Variants in EPC2 observed in about 807,000 individuals in gnomAD.
The protein encoded by EPC2 is enhancer of polycomb 2, also known as enhancer of polycomb homolog 2.
In EPC2, 14 loss-of-function variants were observed where a neutral mutation model predicts 92.1. That is an observed-to-expected ratio of 0.15 (90% CI 0.10 to 0.24). The LOEUF (loss-of-function observed/expected upper bound fraction) is 0.24, where lower values mean the gene tolerates loss of function less well. Among genes scored for constraint, EPC2 ranks in the 10% least tolerant of loss-of-function variants. EPC2 has a pLI of 1.00. For synonymous variants in EPC2, 340 were observed against 334.7 expected (o/e 1.02, Z -0.17); for missense variants, 755 against 971.5 (o/e 0.78, Z 2.96).
At chr2:148,674,929 C>A (rs74811434) in intron 1 of EPC2, among the ~76,000 whole-genome samples, 4 of 152,084 alleles carry the variant, frequency 2.6e-5, no homozygotes, top group African/African-American at 9.7e-5. Flanking sequence ...TTTGTAACTT[C>A]GTAGTCTTTT....
chr2:148,768,512 G>T (rs1683457484), intron 7 of EPC2, among the ~76,000 whole-genome samples: 1 of 152,156 alleles, frequency 6.6e-6, no homozygotes, highest in African/African-American at 2.4e-5. Flanking sequence ...TTTTGCTCTA[G>T]CGTTGCGGGC....
intron 2 of EPC2, among the ~76,000 whole-genome samples, chr2:148,719,222 T>C (rs1005039367): frequency 1.3e-5 from 2 of 152,212 alleles, no homozygotes; most frequent in African/African-American, 2.4e-5. Context: ...TGTTACCACC[T>C]TCTGAAGTCT....
intron 1 of EPC2, among the ~76,000 whole-genome samples, chr2:148,646,778 T>G (rs1318007051): frequency 6.6e-6 from 1 of 152,142 alleles, no homozygotes; most frequent in Non-Finnish European, 1.5e-5. Context: ...ACCAGTATTG[T>G]GTGTAATTAC....
At chr2:148,751,166 A>G (rs962626623) in intron 3 of EPC2, among the ~76,000 whole-genome samples, 1 of 152,208 alleles carries the variant, frequency 6.6e-6, no homozygotes. Flanking sequence ...TACCTAGTTG[A>G]CTGTTTTGTA....
At chr2:148,654,076 T>C (rs1680740494) in intron 1 of EPC2, among the ~76,000 whole-genome samples, 1 of 151,808 alleles carries the variant, frequency 6.6e-6, no homozygotes, top group South Asian at 2.1e-4. Context: ...GCTTCCCAAG[T>C]AGCTTGGGAC....
intron 3 of EPC2, among the ~76,000 whole-genome samples, chr2:148,746,156 ATT>A (rs1258254346): frequency 6.6e-6 from 1 of 151,872 alleles, no homozygotes; most frequent in South Asian, 2.1e-4. Context: ...TATCCTACAT[ATT>A]TTTGTGTAAT....
chr2:148,770,796 G>C lies in EPC2; in HGVS notation c.1235G>C (p.Arg412Pro). The change falls in exon 9 of 14, where the codon CGT (arginine) becomes CCT (proline). Residue 412 changes from arginine to proline, a missense_variant. Physicochemically the swap from Arg to Pro is moderately radical, Grantham distance 103. This residue lies in a region of EPC2 where 509 missense variants were observed against 607.7 expected (regional missense o/e 0.84). Coordinates refer to ENST00000258484, the MANE Select transcript of EPC2 (RefSeq NM_015630.4). Reference protein sequence around the residue: ...RRAGCQYYAPRLDQANHSCEN... With the variant: ...RRAGCQYYAPPLDQANHSCEN... ...TTGTTTTTTCTTTCTTTGCAGCCTC[G>C]TTTGGACCAAGCTAACCATTCATGT... 6.2e-7 allele frequency: 1 copy of C among 1,604,550 alleles called. No homozygotes were observed. Among genetic ancestry groups the C allele is most frequent in the Non-Finnish European group, 8.5e-7 (1 of 1,177,484 alleles).
intron 10 of EPC2, among the ~76,000 whole-genome samples, chr2:148,775,775 CT>C (rs70995334): frequency 0.034 from 3,159 of 92,158 alleles, 60 homozygotes; most frequent in African/African-American, 0.13. Flanking sequence ...AATTTCTTTT[CT>C]TTTTTTTTTT....
chr2:148,731,697 C>T (rs112452172), intron 2 of EPC2, among the ~76,000 whole-genome samples: 3,581 of 152,286 alleles, frequency 0.024, 56 homozygotes, highest in Middle Eastern at 0.054. Flanking sequence ...CCACTGCCCC[C>T]GGCCAGAAAT....
intron 1 of EPC2, among the ~76,000 whole-genome samples, chr2:148,667,235 T>G (rs527831271): frequency 2.0e-5 from 3 of 152,308 alleles, no homozygotes; most frequent in African/African-American, 4.8e-5. Context: ...ATCAAAACTC[T>G]TCATCGTTGT....
At chr2:148,736,516 G>C (rs1682757085) in intron 2 of EPC2, among the ~76,000 whole-genome samples, 1 of 152,078 alleles carries the variant, frequency 6.6e-6, no homozygotes, top group Non-Finnish European at 1.5e-5. Flanking sequence ...TCCTAGGGGT[G>C]TTCATTACTA....
chr2:148,714,713 G>GGA (rs2105386573), intron 2 of EPC2, among the ~76,000 whole-genome samples: 1 of 152,202 alleles, frequency 6.6e-6, no homozygotes, highest in East Asian at 1.9e-4. Context: ...TGTCTTCTTT[G>GGA]GAGAAGTGTC....
chr2:148,706,615 C>T (rs1682005805), intron 2 of EPC2, among the ~76,000 whole-genome samples: 1 of 152,154 alleles, frequency 6.6e-6, no homozygotes, highest in South Asian at 2.1e-4. Context: ...GGGTTACTCA[C>T]AAAGAGAAGC....
At chr2:148,763,731 C>A (rs1333404388) in intron 6 of EPC2, among the ~76,000 whole-genome samples, 1 of 152,170 alleles carries the variant, frequency 6.6e-6, no homozygotes, top group South Asian at 2.1e-4. Flanking sequence ...CTCTCTAAAT[C>A]TCGCTTGTCT....
At chr2:148,710,705 A>G (rs894585249) in intron 2 of EPC2, among the ~76,000 whole-genome samples, 2 of 152,232 alleles carry the variant, frequency 1.3e-5, no homozygotes, top group Non-Finnish European at 2.9e-5. Flanking sequence ...AGGGACATGG[A>G]TGAAGCTGGA....
intron 4 of EPC2, 32 bp downstream of exon 4, chr2:148,754,165 G>A (rs1250516679): frequency 4.0e-6 from 6 of 1,484,634 alleles, no homozygotes; most frequent in South Asian, 2.5e-5. Context: ...ATTGAAGGTA[G>A]CTTAATAGTA....
At chr2:148,779,087 G>A (rs750434524) in intron 10 of EPC2, among the ~76,000 whole-genome samples, 10 of 152,188 alleles carry the variant, frequency 6.6e-5, no homozygotes, top group Admixed American at 2.6e-4. Flanking sequence ...AAAGAATAAG[G>A]TTCCTGAGCA....
At chr2:148,728,328 TAA>T (rs1157800114) in intron 2 of EPC2, among the ~76,000 whole-genome samples, 47 of 152,198 alleles carry the variant, frequency 3.1e-4, no homozygotes, top group African/African-American at 1.1e-3. Context: ...TTTTGCTTAA[TAA>T]TATAGTCTCA....
intron 3 of EPC2, 135 bp downstream of exon 3, chr2:148,743,902 C>G (rs757663816): frequency 1.6e-6 from 1 of 633,788 alleles, no homozygotes; most frequent in Admixed American, 4.0e-5. Flanking sequence ...TTACAATGTT[C>G]CGTGAGTGGA....
Sources: gnomAD v4.1 joint callset for allele counts (sites outside exome capture counted in the v4.1 genomes callset) on GRCh38, gnomAD v4.1.1 for gene constraint, gnomAD v4.1.1 regional missense constraint, MANE v1.5 for transcripts, NCBI Gene and HGNC (gene_info 2026-07-23, HGNC 2026-07-21) for gene names.